HNRNPF: variants seen among roughly 807,000 people sequenced by gnomAD.
The protein encoded by HNRNPF is HnRNP F protein.
HNRNPF carries 2 observed loss-of-function variants against 26.0 expected under a neutral mutation model. That is an observed-to-expected ratio of 0.08 (90% CI 0.03 to 0.24). The LOEUF (loss-of-function observed/expected upper bound fraction) is 0.24, where lower values mean the gene tolerates loss of function less well. HNRNPF is among the 10% of genes least tolerant of loss of function. HNRNPF has a pLI of 1.00. For missense variants in HNRNPF, 299 were observed against 539.2 expected (o/e 0.55, Z 4.41); for synonymous variants, 234 against 211.5 (o/e 1.11, Z -0.92).
In HNRNPF at chr10:43,387,276, G is replaced by A. The variant is rs765544148; in HGVS notation, c.609C>T (p.Ser203=). ...GGTCATAGGGCCCTGGCCGCTGCACGGACATGAACTTCAGAGGGGGATCTG... is the reference window on the plus strand; with the variant it reads ...GGTCATAGGGCCCTGGCCGCTGCACAGACATGAACTTCAGAGGGGGATCTG... The part of the protein sequence containing the change: ...SYSDPPLKFM[S]VQRPGPYDRP... Residue 203 remains serine (S), a synonymous_variant, in exon 4 of 4, where the codon TCC becomes TCT. Transcript: ENST00000682386. The surrounding 1 kb of genome is among the most constrained non-coding windows in gnomAD (Gnocchi z 6.0). The A allele has an allele frequency of 2.6e-5, 42 of 1,614,202 alleles. No homozygotes were observed. The highest frequency in any genetic ancestry group is 2.4e-4 in the African/African-American group (18 of 75,052).
At chr10:43,388,756 GGT>G (rs1169701878) in intron 3 of HNRNPF, among the ~76,000 whole-genome samples, 1 of 152,202 alleles carries the variant, frequency 6.6e-6, no homozygotes, top group Non-Finnish European at 1.5e-5. Flanking sequence ...CCACCAGGGT[GGT>G]ACATGGCACC....
chr10:43,393,318 G>T (rs976586933), intron 3 of HNRNPF, among the ~76,000 whole-genome samples: 1 of 152,138 alleles, frequency 6.6e-6, no homozygotes, highest in African/African-American at 2.4e-5. Flanking sequence ...AGCATAGGCC[G>T]GGCGCAGTGG....
At chr10:43,405,487 T>TCTA (rs1305636126) in intron 1 of HNRNPF, among the ~76,000 whole-genome samples, 13 of 151,842 alleles carry the variant, frequency 8.6e-5, no homozygotes, top group African/African-American at 3.1e-4. Flanking sequence ...AAACCCCGCC[T>TCTA]CTACTAAAAA....
intron 1 of HNRNPF, among the ~76,000 whole-genome samples, chr10:43,403,613 C>G (rs764261697): frequency 1.3e-5 from 2 of 152,216 alleles, no homozygotes; most frequent in South Asian, 2.1e-4. Context: ...AACTCAATCA[C>G]TGCAATTTCT....
At chr10:43,392,072 C>T (rs910739379) in intron 3 of HNRNPF, among the ~76,000 whole-genome samples, 1 of 152,020 alleles carries the variant, frequency 6.6e-6, no homozygotes, top group East Asian at 1.9e-4. Flanking sequence ...GGTGAAATCC[C>T]GCCTCTACCA....
intron 3 of HNRNPF, among the ~76,000 whole-genome samples, chr10:43,389,509 A>T (rs575940977): frequency 6.6e-6 from 1 of 152,354 alleles, no homozygotes; most frequent in South Asian, 2.1e-4. Context: ...TTAAAGTTTG[A>T]TGTAGCCATT....
At chr10:43,391,248 G>A (rs1016736863) in intron 3 of HNRNPF, among the ~76,000 whole-genome samples, 6 of 150,156 alleles carry the variant, frequency 4.0e-5, no homozygotes, top group East Asian at 3.9e-4. Flanking sequence ...AGCCAAGATC[G>A]CACCACTGCA....
At position 43,396,470 on chromosome 10, in the gene HNRNPF, G is replaced by C. The variant is rs1215156678; in HGVS notation, c.-126C>G. 3 of 152,294 alleles carry C rather than the reference G, an allele frequency of 2.0e-5. No homozygotes were observed. The highest frequency in any genetic ancestry group is 4.4e-5 in the Non-Finnish European group (3 of 68,116). The allele number at this position is 152,294 out of a possible 1,614,324, so 9.4% of individuals were successfully genotyped here. A position where few individuals can be genotyped will look rare whatever the true frequency, so the allele number is the denominator to read the frequency against. ...TCTAGACTTACCACGGAGGCGAGCA[G>C]GACTGGTTTCTGTTGCTACCAGGCA... is the stretch of plus-strand genomic sequence containing the variant. On this transcript the variant is annotated 5_prime_UTR_variant, in exon 2 of 4. Coordinates refer to ENST00000682386, the MANE Select transcript of HNRNPF (RefSeq NM_001098204.2).
chr10:43,394,819 C>T (rs948665877), intron 2 of HNRNPF, 131 bp from the exon 3 acceptor site: 1 of 152,104 alleles, frequency 6.6e-6, no homozygotes, highest in Non-Finnish European at 1.5e-5. Context: ...TAAATTAAAT[C>T]TCACACCCCA....
intron 3 of HNRNPF, among the ~76,000 whole-genome samples, chr10:43,390,619 T>G (rs1838205644): frequency 6.6e-6 from 1 of 152,182 alleles, no homozygotes; most frequent in Non-Finnish European, 1.5e-5. Flanking sequence ...AGAGCAAGTA[T>G]CATTTTACAT....
chr10:43,400,708 C>CTT (rs1222836025), intron 1 of HNRNPF, among the ~76,000 whole-genome samples: 1 of 152,180 alleles, frequency 6.6e-6, no homozygotes, highest in African/African-American at 2.4e-5. Context: ...TTGTACTTAA[C>CTT]TTTTCAGGGG....
At chr10:43,401,155 C>T (rs1334461489) in intron 1 of HNRNPF, among the ~76,000 whole-genome samples, 1 of 151,850 alleles carries the variant, frequency 6.6e-6, no homozygotes, top group Non-Finnish European at 1.5e-5. Flanking sequence ...ATTATTACTA[C>T]ATTTATATCC....
intron 1 of HNRNPF, among the ~76,000 whole-genome samples, chr10:43,397,568 G>A (rs1379243991): frequency 6.6e-6 from 1 of 152,170 alleles, no homozygotes; most frequent in Non-Finnish European, 1.5e-5. Flanking sequence ...CTGGGAGGCC[G>A]CCTCTAAAAT....
rs74135749 is a variant in HNRNPF at position 43,395,002 on chromosome 10, G to C, written c.-111-314C>G. 4.8e-3 allele frequency among the ~76,000 whole-genome samples: 724 copies of C among 152,230 alleles called. 7 individuals carry two copies. The highest frequency in any genetic ancestry group is 0.017 in the African/African-American group (698 of 41,540). The stretch of plus-strand genomic sequence containing the variant: ...CACCCAGCGAATTTTTGTATTTTTA[G>C]TAGAAATGGGATTTCAATATGTTGG... On this transcript the variant is annotated intron_variant, in intron 2 of 3. Coordinates refer to ENST00000682386, the MANE Select transcript of HNRNPF (RefSeq NM_001098204.2).
chr10:43,395,833 C>T (rs1564396270), intron 2 of HNRNPF, among the ~76,000 whole-genome samples: 2 of 152,200 alleles, frequency 1.3e-5, no homozygotes, highest in Non-Finnish European at 2.9e-5. Context: ...ACCAGACCCA[C>T]GTACACCCAT....
chr10:43,399,279 G>C (rs985033322), intron 1 of HNRNPF, among the ~76,000 whole-genome samples: 1 of 151,966 alleles, frequency 6.6e-6, no homozygotes, highest in Non-Finnish European at 1.5e-5. Flanking sequence ...GTAGAGGCAA[G>C]GTCTCTCTAT....
In HNRNPF at chr10:43,386,590, G is replaced by A; in HGVS notation, c.*47C>T. 6.7e-7 allele frequency: 1 copy of A among 1,486,100 alleles called. No individual in the cohort carries two copies. Among genetic ancestry groups the A allele is most frequent in the Non-Finnish European group, 8.9e-7 (1 of 1,118,344 alleles). The allele number at this position is 1,486,100 out of a possible 1,614,324, so 92.1% of individuals were successfully genotyped here. On this transcript the variant is annotated 3_prime_UTR_variant, in exon 4 of 4. Transcript: ENST00000682386. ...TTATAACTGCTCTTAATTGCTTGTT[G>A]GCTGCCTGTGAAAATGATTGAAGTA... is the stretch of plus-strand genomic sequence containing the variant.
Position 43,386,563 on chromosome 10 carries a change from T to C in HNRNPF, c.*74A>G. ...GCAAAATGGGTCCCCCAGCTTCCTC[T>C]ATTATAACTGCTCTTAATTGCTTGT... is the stretch of plus-strand genomic sequence containing the variant. On this transcript the variant is annotated 3_prime_UTR_variant, in exon 4 of 4. Transcript: ENST00000682386. The C allele has an allele frequency of 7.2e-7, 1 of 1,388,942 alleles. No homozygotes were observed. The highest frequency in any genetic ancestry group is 9.6e-7 in the Non-Finnish European group (1 of 1,044,304). 86.0% of individuals were successfully genotyped at this position (1,388,942 alleles called of 1,614,324 possible). A position where few individuals can be genotyped will look rare whatever the true frequency, so the allele number is the denominator to read the frequency against.
intron 1 of HNRNPF, among the ~76,000 whole-genome samples, chr10:43,401,764 A>C (rs1838761337): frequency 6.6e-6 from 1 of 152,202 alleles, no homozygotes; most frequent in Non-Finnish European, 1.5e-5. Context: ...GAGAGAAAGG[A>C]GGCCTGTGGG....
Sources: gnomAD v4.1 joint callset for allele counts (sites outside exome capture counted in the v4.1 genomes callset) on GRCh38, gnomAD v4.1.1 for gene constraint, Gnocchi (gnomAD v3.1) non-coding constraint, MANE v1.5 for transcripts, NCBI Gene and HGNC (gene_info 2026-07-23, HGNC 2026-07-21) for gene names.